DUSP15: variants seen among roughly 807,000 people sequenced by gnomAD.
DUSP15 encodes the protein dual specificity protein phosphatase 15.
A neutral mutation model predicts 26.3 loss-of-function variants in DUSP15; 23 were observed. That is an observed-to-expected ratio of 0.87 (90% confidence interval 0.63 to 1.24). The LOEUF (loss-of-function observed/expected upper bound fraction) is 1.24. Ranked by LOEUF, DUSP15 falls within the 50% of genes most tolerant of loss-of-function variation. The pLI is 0.00. For missense variants in DUSP15, 364 were observed against 320.6 expected (o/e 1.14, Z -1.03); for synonymous variants, 143 against 135.5 (o/e 1.06, Z -0.39).
At position 31,870,155 on chromosome 20, in the gene DUSP15, G is replaced by A; in HGVS notation, c.21+162C>T. ...ACAGAGACGCAGGGTCAGAGAGGGG[G>A]AGACCCGACAGCCGCGGTCTCGAGT... On this transcript the variant is annotated intron_variant, in intron 1 of 6. Coordinates refer to ENST00000339738, the MANE Select transcript of DUSP15 (RefSeq NM_080611.5). This position sits in a 1 kb window ranked among gnomAD's most constrained non-coding sequence, Gnocchi z 6.6. 1.6e-6 allele frequency: 2 copies of A among 1,228,002 alleles called. No homozygotes were observed. The highest frequency in any genetic ancestry group is 2.0e-6 in the Non-Finnish European group (2 of 984,654). The allele number at this position is 1,228,002 out of a possible 1,614,324, so 76.1% of individuals were successfully genotyped here.
chr20:31,846,159 GACATAAGCACACACACAC>G (rs1229612035), downstream of DUSP15, among the ~76,000 whole-genome samples: 1 of 126,072 alleles, frequency 7.9e-6, no homozygotes, highest in Non-Finnish European at 1.6e-5. Context: ...CACACACACA[GACATAAGCACACACACAC>G]ATATACACAG....
chr20:31,869,576 C>A lies in DUSP15; in HGVS notation c.43G>T (p.Gly15Ter). 1 of 1,613,422 alleles carries A rather than the reference C, an allele frequency of 6.2e-7. No homozygotes were observed. The highest frequency in any genetic ancestry group is 8.5e-7 in the Non-Finnish European group (1 of 1,179,746). The change falls in exon 2 of 7, where the codon GGA becomes TGA. Residue 15 changes from glycine to a stop codon, truncating the protein, a stop_gained. Transcript: ENST00000339738. LOFTEE classifies it high-confidence loss of function. Reference sequence around the variant, plus strand: ...GGGCAGTGCTCACCAATGAAGTTTCCGAGGTAGAGTCCAGGAAGTACCTAG... The same window carrying A: ...GGGCAGTGCTCACCAATGAAGTTTCAGAGGTAGAGTCCAGGAAGTACCTAG... ...MTKVLPGLYL[G>*]NFIDAKDLDQ...
intron 3 of DUSP15, 119 bp from the exon 4 acceptor site, chr20:31,865,121 G>T: frequency 9.2e-7 from 1 of 1,086,174 alleles, no homozygotes; most frequent in Non-Finnish European, 1.4e-6. Context: ...CTGGCCCACT[G>T]TGGTCCTCTC....
chr20:31,846,442 TAGAG>T (rs71185371), downstream of DUSP15, among the ~76,000 whole-genome samples: 2,862 of 107,796 alleles, frequency 0.027, 35 homozygotes, highest in Non-Finnish European at 0.038. Flanking sequence ...AAGGAATGAA[TAGAG>T]AGAGAGAGAG....
downstream of DUSP15, among the ~76,000 whole-genome samples, chr20:31,860,578 C>T (rs891222354): frequency 1.3e-5 from 2 of 152,212 alleles, no homozygotes; most frequent in Admixed American, 6.5e-5. Context: ...ACTAAGCTAG[C>T]GTCCAGCTTT....
chr20:31,848,419 A>T, exon 10 of DUSP15: 1 of 1,611,682 alleles, frequency 6.2e-7, no homozygotes, highest in Non-Finnish European at 8.5e-7. Flanking sequence ...GGGTACAAGA[A>T]GAGGAAGCGG....
intron 2 of DUSP15, 130 bp from the exon 3 acceptor site, chr20:31,867,283 G>C: frequency 1.3e-6 from 1 of 746,126 alleles, no homozygotes; most frequent in Non-Finnish European, 2.3e-6. Flanking sequence ...CGCTCTGCCG[G>C]CTCCCTGATC....
chr20:31,861,565 C>G lies in DUSP15; in HGVS notation c.546G>C (p.Ser182=). 2 of 1,500,860 alleles carry G rather than the reference C, an allele frequency of 1.3e-6. No homozygotes were observed. The highest frequency in any genetic ancestry group is 1.8e-6 in the Non-Finnish European group (2 of 1,133,258). 93.0% of individuals were successfully genotyped at this position (1,500,860 alleles called of 1,614,324 possible). Residue 182 remains serine (S), a synonymous_variant, in exon 7 of 7, where the codon TCG becomes TCC. Coordinates refer to ENST00000339738, the MANE Select transcript of DUSP15 (RefSeq NM_080611.5). ...CTGAGTGCGGCCCGGCGGAGGAGGC[C>G]GAGGTCGCGGAGCCCTGCCGGCAGC... ...CKRCRQGSAT[S]ASSAGPHSAA...
chr20:31,862,845 C>T (rs1250995354), intron 5 of DUSP15, 103 bp from the exon 6 acceptor site: 4 of 1,260,616 alleles, frequency 3.2e-6, no homozygotes, highest in Non-Finnish European at 4.3e-6. Flanking sequence ...GCCTCCTGAG[C>T]TCCAACCATA....
chr20:31,859,771 A>C (rs755992139), downstream of DUSP15, among the ~76,000 whole-genome samples: 5 of 152,072 alleles, frequency 3.3e-5, no homozygotes, highest in African/African-American at 4.8e-5. Flanking sequence ...TAAATAGGGG[A>C]AGACACCATC....
rs1490764071 is a variant in DUSP15 at position 31,861,243 on chromosome 20, C to G, written c.*160G>C. On this transcript the variant is annotated 3_prime_UTR_variant, in exon 7 of 7. Transcript: ENST00000339738. The stretch of plus-strand genomic sequence containing the variant: ...CACAGAGACGCACAGGTTGGGGACG[C>G]TGACTGCAGACGCGGACGAGCAGGG... 1 of 1,362,442 alleles carries G rather than the reference C, an allele frequency of 7.3e-7. No homozygotes were observed. The highest frequency in any genetic ancestry group is 9.4e-7 in the Non-Finnish European group (1 of 1,064,742). 84.4% of individuals were successfully genotyped at this position (1,362,442 alleles called of 1,614,324 possible).
chr20:31,849,097 C>A (rs1180580559), intron 8 of DUSP15, among the ~76,000 whole-genome samples: 1 of 152,060 alleles, frequency 6.6e-6, no homozygotes, highest in Non-Finnish European at 1.5e-5. Context: ...GTGCCCACTT[C>A]CAGGTCTTAT....
At chr20:31,856,390 G>C (rs1254694412), downstream of DUSP15, among the ~76,000 whole-genome samples, 2 of 152,032 alleles carry the variant, frequency 1.3e-5, no homozygotes, top group Admixed American at 6.6e-5. Flanking sequence ...ATAGGGGAGG[G>C]TCGAGGCTAG....
Position 31,848,804 on chromosome 20 carries a change from A to G in DUSP15, c.726+2T>C. 1.2e-6 allele frequency: 2 copies of G among 1,608,698 alleles called. No individual in the cohort carries two copies. Among genetic ancestry groups the G allele is most frequent in the Non-Finnish European group, 1.7e-6 (2 of 1,177,946 alleles). ...TTGGCTGGAGTGGAAGGAGTGACTC[A>G]CGTCCGCCATGATGAGCTGCTCCTT... is the stretch of plus-strand genomic sequence containing the variant. On this transcript the variant is annotated splice_donor_variant, in intron 9 of 9. Coordinates refer to the DUSP15 transcript ENST00000278979. LOFTEE classifies it high-confidence loss of function.
intron 3 of DUSP15, 128 bp downstream of exon 3, chr20:31,866,943 G>T: frequency 1.1e-6 from 1 of 919,558 alleles, no homozygotes; most frequent in Non-Finnish European, 1.6e-6. Context: ...AAATGGCCCA[G>T]TGGTGGAGAC....
At chr20:31,859,269 G>T (rs140449906), downstream of DUSP15, among the ~76,000 whole-genome samples, 111 of 143,368 alleles carry the variant, frequency 7.7e-4, no homozygotes, top group South Asian at 0.018. Context: ...CCCTAAAAGT[G>T]AATGTAAATT....
Position 31,870,357 on chromosome 20 carries a change from C to T in DUSP15, c.-20G>A. 7.8e-7 allele frequency: 1 copy of T among 1,278,052 alleles called. No homozygotes were observed. Among genetic ancestry groups the T allele is most frequent in the Non-Finnish European group, 9.9e-7 (1 of 1,012,798 alleles). The allele number at this position is 1,278,052 out of a possible 1,614,324, so 79.2% of individuals were successfully genotyped here. On this transcript the variant is annotated 5_prime_UTR_variant, in exon 1 of 7. Coordinates refer to ENST00000339738, the MANE Select transcript of DUSP15 (RefSeq NM_080611.5). This position sits in a 1 kb window ranked among gnomAD's most constrained non-coding sequence, Gnocchi z 6.6. The stretch of plus-strand genomic sequence containing the variant: ...GCCCATGATCCCGGGGGCGGCGGTC[C>T]GGGTGCACCCCCAGCTCGCCGCCCG...
At chr20:31,861,067 G>GAC (rs2062637519), downstream of DUSP15, 1 of 1,133,794 alleles carries the variant, frequency 8.8e-7, no homozygotes, top group Non-Finnish European at 1.1e-6. Context: ...GAGGCACTCG[G>GAC]ACAGGCAGCT....
At chr20:31,870,609 G>A, upstream of DUSP15, 1 of 1,381,848 alleles carries the variant, frequency 7.2e-7, no homozygotes, top group South Asian at 1.7e-5. This position sits in a 1 kb window ranked among gnomAD's most constrained non-coding sequence, Gnocchi z 6.6. Context: ...GCCTCGGGTC[G>A]CGGCGGGGGG....
Sources: gnomAD v4.1 joint callset for allele counts (sites outside exome capture counted in the v4.1 genomes callset) on GRCh38, gnomAD v4.1.1 for gene constraint, Gnocchi (gnomAD v3.1) non-coding constraint, MANE v1.5 for transcripts, NCBI Gene and HGNC (gene_info 2026-07-23, HGNC 2026-07-21) for gene names.